JAKMIP3: variants seen among roughly 807,000 people sequenced by gnomAD.
JAKMIP3 encodes janus kinase and microtubule-interacting protein 3.
Under a neutral mutation model 118.5 loss-of-function variants are expected in JAKMIP3, and 58 were observed. The observed-to-expected ratio is 0.49, with a 90% confidence interval of 0.40 to 0.61. The LOEUF (loss-of-function observed/expected upper bound fraction) is 0.61. Ranked by LOEUF, JAKMIP3 falls within the 20% of genes least tolerant of loss-of-function variation. The pLI is 0.00. For synonymous variants in JAKMIP3, 486 were observed against 451.2 expected, an observed-to-expected ratio of 1.08 and a Z score of -0.98; for missense variants, 950 against 1,109.0, an observed-to-expected ratio of 0.86 and a Z score of 2.04.
chr10:132,145,237 G>T, intron 12 of JAKMIP3, 47 bp downstream of exon 12: 1 of 1,459,536 alleles, frequency 6.9e-7, no homozygotes, highest in South Asian at 1.2e-5. Context: ...ACGTGGGTGG[G>T]AGGTATTTGG....
At chr10:132,121,386 C>T (rs2048508280) in intron 3 of JAKMIP3, among the ~76,000 whole-genome samples, 1 of 152,188 alleles carries the variant, frequency 6.6e-6, no homozygotes, top group Non-Finnish European at 1.5e-5. Flanking sequence ...TATCACATAA[C>T]CTTGGTTCCT....
intron 3 of JAKMIP3, among the ~76,000 whole-genome samples, chr10:132,129,382 G>T (rs2050166078): frequency 1.3e-5 from 2 of 152,290 alleles, no homozygotes; most frequent in African/African-American, 2.4e-5. Context: ...TTCCTGCAAG[G>T]CCTCTGGGAG....
At chr10:132,043,431 A>G (rs967808664) in intron 1 of JAKMIP3, among the ~76,000 whole-genome samples, 1 of 152,030 alleles carries the variant, frequency 6.6e-6, no homozygotes, top group Non-Finnish European at 1.5e-5. Context: ...TACCTTTTGT[A>G]TTATCCACAC....
In JAKMIP3 at chr10:132,168,813, A is replaced by C; in HGVS notation, c.*883A>C. ...CATAGTGAATCTCCAGAAGTCACAG[A>C]GGCCCTGGGCACCCAGAGCCACCCA... On this transcript the variant is annotated 3_prime_UTR_variant, in exon 23 of 24. Coordinates refer to ENST00000684848, the MANE Select transcript of JAKMIP3 (RefSeq NM_001323087.2). 1 of 222,296 alleles carries C rather than the reference A, an allele frequency of 4.5e-6. No homozygotes were observed. The highest frequency in any genetic ancestry group is 9.0e-6 in the Non-Finnish European group (1 of 111,102). 13.8% of individuals were successfully genotyped at this position (222,296 alleles called of 1,614,324 possible).
intron 3 of JAKMIP3, among the ~76,000 whole-genome samples, chr10:132,122,970 A>G (rs1294036402): frequency 6.6e-6 from 1 of 152,192 alleles, no homozygotes; most frequent in Admixed American, 6.5e-5. Flanking sequence ...CAGTGATTCC[A>G]CTGTGCAGAC....
rs2060544750 is a variant in JAKMIP3, at chr10:132,179,776, C to G, written c.*1104-2581C>G. Among the ~76,000 whole-genome samples the G allele has an allele frequency of 6.6e-6, 1 of 152,146 alleles. No individual in the cohort carries two copies. The highest frequency in any genetic ancestry group is 2.1e-4 in the South Asian group (1 of 4,822). ...GCAGGGTCACACCACAACAGCCACA[C>G]CATGGCACAGCCACACCATTATCGC... On this transcript the variant is annotated intron_variant, in intron 23 of 23. Coordinates refer to ENST00000684848, the MANE Select transcript of JAKMIP3 (RefSeq NM_001323087.2). The surrounding 1 kb of genome is among the most constrained non-coding windows in gnomAD (Gnocchi z 4.3).
At chr10:132,042,184 C>CTCGCTCCT (rs1554909340) in intron 1 of JAKMIP3, among the ~76,000 whole-genome samples, 220 of 132,192 alleles carry the variant, frequency 1.7e-3, no homozygotes, top group African/African-American at 6.2e-3. Flanking sequence ...TGCTCGCTCG[C>CTCGCTCCT]TCCTTCCTTC....
chr10:132,093,887 T>G (rs1048142538), intron 1 of JAKMIP3, among the ~76,000 whole-genome samples: 17 of 152,146 alleles, frequency 1.1e-4, no homozygotes, highest in Non-Finnish European at 2.9e-5. Context: ...TGATTGTTTT[T>G]TATTTGATTT....
chr10:132,133,452 G>A lies in JAKMIP3; in HGVS notation c.774G>A (p.Arg258=). The change falls in exon 4 of 24, where the codon CGG becomes CGA. Residue 258 remains arginine, a synonymous_variant. Coordinates refer to ENST00000684848, the MANE Select transcript of JAKMIP3 (RefSeq NM_001323087.2). ...TGTCCCAGGTCCGAGAGGCCGACCG[G>A]CACCCGGGCAGCCCCAGACGGGAAC... ...EQLSQVREAD[R]HPGSPRRELP... 1 of 1,586,718 alleles carries A rather than the reference G, an allele frequency of 6.3e-7. No homozygotes were observed. The highest frequency in any genetic ancestry group is 8.6e-7 in the Non-Finnish European group (1 of 1,167,158).
chr10:132,109,016 T>TAC (rs71013508), intron 2 of JAKMIP3, among the ~76,000 whole-genome samples: 45 of 148,726 alleles, frequency 3.0e-4, no homozygotes, highest in Non-Finnish European at 4.5e-4. Context: ...AATGTATATA[T>TAC]GTATACAAAT....
intron 2 of JAKMIP3, among the ~76,000 whole-genome samples, chr10:132,107,688 G>C (rs2046126691): frequency 6.6e-6 from 1 of 152,202 alleles, no homozygotes; most frequent in Non-Finnish European, 1.5e-5. Context: ...AGTGATCACA[G>C]CGCCTCTTGG....
At chr10:132,079,709 A>G (rs1350908273) in intron 1 of JAKMIP3, among the ~76,000 whole-genome samples, 2 of 152,162 alleles carry the variant, frequency 1.3e-5, no homozygotes, top group Non-Finnish European at 2.9e-5. Flanking sequence ...TCATCTTGTA[A>G]AACTGAAACT....
At chr10:132,127,326 G>A (rs969026351) in intron 3 of JAKMIP3, among the ~76,000 whole-genome samples, 5 of 150,948 alleles carry the variant, frequency 3.3e-5, no homozygotes, top group African/African-American at 1.2e-4. Flanking sequence ...GGGTTCAAGC[G>A]ATTCTCCTGC....
intron 3 of JAKMIP3, among the ~76,000 whole-genome samples, chr10:132,126,908 A>G (rs1397653628): frequency 2.6e-5 from 4 of 152,110 alleles, no homozygotes; most frequent in African/African-American, 9.7e-5. Context: ...CACTTTTTAT[A>G]ATGTCCTTGC....
chr10:132,037,071 C>T (rs1419066504), intron 1 of JAKMIP3, among the ~76,000 whole-genome samples: 1 of 152,212 alleles, frequency 6.6e-6, no homozygotes, highest in Non-Finnish European at 1.5e-5. Context: ...GTGCCTCCCG[C>T]GGAAAGGGGC....
intron 1 of JAKMIP3, among the ~76,000 whole-genome samples, chr10:132,040,162 A>G (rs2037682939): frequency 1.3e-5 from 2 of 152,088 alleles, no homozygotes; most frequent in South Asian, 4.1e-4. Context: ...ATGAGGTTAT[A>G]GGGTGGGCCC....
intron 1 of JAKMIP3, among the ~76,000 whole-genome samples, chr10:132,047,073 G>C (rs1470961441): frequency 6.6e-6 from 1 of 152,158 alleles, no homozygotes; most frequent in Non-Finnish European, 1.5e-5. Context: ...TGTGTGTGGA[G>C]ACAGGTTCTC....
intron 19 of JAKMIP3, among the ~76,000 whole-genome samples, chr10:132,157,402 A>G (rs1007395226): frequency 6.6e-6 from 1 of 152,160 alleles, no homozygotes; most frequent in African/African-American, 2.4e-5. Context: ...GGACTTAGGT[A>G]CTGTCCATGC....
intron 22 of JAKMIP3, among the ~76,000 whole-genome samples, chr10:132,167,359 C>T (rs543017315): frequency 1.3e-5 from 2 of 152,278 alleles, no homozygotes; most frequent in East Asian, 3.9e-4. Flanking sequence ...AGGACCCTCT[C>T]TAGGGGGTCT....
Sources: gnomAD v4.1 joint callset for allele counts (sites outside exome capture counted in the v4.1 genomes callset) on GRCh38, gnomAD v4.1.1 for gene constraint, Gnocchi (gnomAD v3.1) non-coding constraint, MANE v1.5 for transcripts, NCBI Gene and HGNC (gene_info 2026-07-23, HGNC 2026-07-21) for gene names.